The following IGSF21 variants were observed in gnomAD, a reference collection of about 807,000 sequenced individuals.
IGSF21 encodes the protein immunoglobin superfamily member 21.
In IGSF21, 28 loss-of-function variants were observed where a neutral mutation model predicts 46.8. That is an observed-to-expected ratio of 0.60 (90% CI 0.44 to 0.82). IGSF21 has a LOEUF of 0.82. Among genes scored for constraint, IGSF21 ranks in the 40% least tolerant of loss-of-function variants. IGSF21 has a pLI of 0.00. For synonymous variants in IGSF21, 284 were observed against 273.6 expected, an observed-to-expected ratio of 1.04 and a Z score of -0.38; for missense variants, 624 against 665.5, an observed-to-expected ratio of 0.94 and a Z score of 0.69.
At chr1:18,304,926 T>G (rs1180632823) in intron 3 of IGSF21, among the ~76,000 whole-genome samples, 2 of 152,230 alleles carry the variant, frequency 1.3e-5, no homozygotes, top group African/African-American at 4.8e-5. Context: ...TTTCTTCACA[T>G]TAGAATTTGC....
chr1:18,226,630 A>G (rs544568364), intron 1 of IGSF21, among the ~76,000 whole-genome samples: 2 of 152,310 alleles, frequency 1.3e-5, no homozygotes, highest in East Asian at 3.9e-4. Flanking sequence ...TCCAACTTCC[A>G]AATTGATCCT....
Position 18,109,782 on chromosome 1 carries a change from C to G in IGSF21, c.70+1584C>G, listed in dbSNP as rs911986090. 6.6e-6 allele frequency: 1 copy of G among 152,176 alleles called. No homozygotes were observed. The highest frequency in any genetic ancestry group is 1.5e-5 in the Non-Finnish European group (1 of 68,138). The allele number at this position is 152,176 out of a possible 1,614,324, so 9.4% of individuals were successfully genotyped here. ...GGAAAGGTTACATGGGGGAGGTCCTCGTTCCAGCGCCGCCGAGAGGGCACT... is the reference window on the plus strand; with the variant it reads ...GGAAAGGTTACATGGGGGAGGTCCTGGTTCCAGCGCCGCCGAGAGGGCACT... On this transcript the variant is annotated intron_variant, in intron 1 of 9. Transcript: ENST00000251296. This position sits in a 1 kb window ranked among gnomAD's most constrained non-coding sequence, Gnocchi z 4.8.
chr1:18,375,330 G>C (rs2086269722), intron 6 of IGSF21, among the ~76,000 whole-genome samples: 1 of 152,046 alleles, frequency 6.6e-6, no homozygotes, highest in Admixed American at 6.6e-5. Flanking sequence ...AATGAATCTG[G>C]GGGAAAGAGT....
intron 1 of IGSF21, among the ~76,000 whole-genome samples, chr1:18,209,610 A>C (rs1191246510): frequency 2.8e-5 from 4 of 141,626 alleles, no homozygotes; most frequent in African/African-American, 7.9e-5. Context: ...GCCCGCCACC[A>C]CACCTGGCTA....
intron 1 of IGSF21, among the ~76,000 whole-genome samples, chr1:18,157,607 G>A (rs2086579764): frequency 1.3e-5 from 2 of 152,206 alleles, no homozygotes; most frequent in Non-Finnish European, 2.9e-5. Context: ...AGCCCGGTCT[G>A]GTACACACGT....
chr1:18,313,532 A>G (rs1160617956), intron 3 of IGSF21, among the ~76,000 whole-genome samples: 1 of 152,194 alleles, frequency 6.6e-6, no homozygotes, highest in Non-Finnish European at 1.5e-5. Flanking sequence ...TAAAGCTCTT[A>G]GAACTGGCAC....
At chr1:18,189,199 G>T (rs1026388750) in intron 1 of IGSF21, among the ~76,000 whole-genome samples, 1 of 152,248 alleles carries the variant, frequency 6.6e-6, no homozygotes, top group African/African-American at 2.4e-5. Flanking sequence ...CGACTTTGGG[G>T]CAAACATCCC....
chr1:18,164,605 T>C (rs1372016916), intron 1 of IGSF21, among the ~76,000 whole-genome samples: 3 of 152,162 alleles, frequency 2.0e-5, no homozygotes, highest in Non-Finnish European at 4.4e-5. Flanking sequence ...ATCAGTGCAA[T>C]TTTAACTGAT....
intron 1 of IGSF21, among the ~76,000 whole-genome samples, chr1:18,213,700 T>G (rs1206691948): frequency 6.6e-6 from 1 of 152,116 alleles, no homozygotes; most frequent in African/African-American, 2.4e-5. Flanking sequence ...GCAAGGACCA[T>G]GTACAAGACA....
rs1403636948 is a variant in IGSF21, at chr1:18,140,765, T to C, written c.70+32567T>C. On this transcript the variant is annotated intron_variant, in intron 1 of 9. Transcript: ENST00000251296. Reference sequence around the variant, plus strand: ...CTTGGCTTGGCAGGGGGGATCCCTCTTCAGCATCCACATAGGCTCCTTCCA... The same window carrying C: ...CTTGGCTTGGCAGGGGGGATCCCTCCTCAGCATCCACATAGGCTCCTTCCA... 3.3e-5 allele frequency among the ~76,000 whole-genome samples: 5 copies of C among 152,226 alleles called. No homozygotes were observed. In the East Asian group the frequency reaches 9.6e-4, roughly 29 times the overall value.
intron 3 of IGSF21, among the ~76,000 whole-genome samples, chr1:18,331,556 T>G (rs573718386): frequency 6.6e-6 from 1 of 152,378 alleles, no homozygotes; most frequent in African/African-American, 2.4e-5. Flanking sequence ...TTGCAAATTG[T>G]GCTGCTATAA....
chr1:18,171,188 C>T (rs559410466), intron 1 of IGSF21, among the ~76,000 whole-genome samples: 1 of 152,066 alleles, frequency 6.6e-6, no homozygotes, highest in South Asian at 2.1e-4. Context: ...TCCAGAGCCA[C>T]CCTAGGCTCA....
At chr1:18,258,185 T>A (rs1168401256) in intron 2 of IGSF21, among the ~76,000 whole-genome samples, 1 of 152,136 alleles carries the variant, frequency 6.6e-6, no homozygotes, top group Non-Finnish European at 1.5e-5. Context: ...ACAGAAGGGA[T>A]GGGAGAGGGA....
At chr1:18,282,981 G>A (rs140666013) in intron 2 of IGSF21, among the ~76,000 whole-genome samples, 2 of 152,276 alleles carry the variant, frequency 1.3e-5, no homozygotes, top group East Asian at 1.9e-4. Flanking sequence ...CCCATACTCC[G>A]TTGAACACAG....
chr1:18,137,335 C>T (rs1342641013), intron 1 of IGSF21, among the ~76,000 whole-genome samples: 3 of 152,178 alleles, frequency 2.0e-5, no homozygotes, highest in Non-Finnish European at 4.4e-5. Context: ...CCACCAGACC[C>T]CACCTCCAAC....
At chr1:18,181,390 G>C (rs1260627453) in intron 1 of IGSF21, among the ~76,000 whole-genome samples, 6 of 152,210 alleles carry the variant, frequency 3.9e-5, no homozygotes, top group Admixed American at 3.9e-4. Context: ...CCCAAACGCT[G>C]TTTTGGCCCA....
chr1:18,217,602 A>T (rs2084462485), intron 1 of IGSF21, among the ~76,000 whole-genome samples: 1 of 152,174 alleles, frequency 6.6e-6, no homozygotes, highest in Non-Finnish European at 1.5e-5. Flanking sequence ...CACCTTGTGG[A>T]TGCATTGTGT....
intron 2 of IGSF21, among the ~76,000 whole-genome samples, chr1:18,280,008 C>A (rs1337274349): frequency 1.3e-5 from 2 of 152,210 alleles, no homozygotes; most frequent in African/African-American, 4.8e-5. Flanking sequence ...ATTGGTCAGC[C>A]AGACTGGTAC....
chr1:18,314,795 C>T (rs970328166), intron 3 of IGSF21, among the ~76,000 whole-genome samples: 10 of 152,200 alleles, frequency 6.6e-5, no homozygotes, highest in South Asian at 2.1e-4. Flanking sequence ...ATTTCTTGAG[C>T]GGTGGGAGGG....
Sources: gnomAD v4.1 joint callset for allele counts (sites outside exome capture counted in the v4.1 genomes callset) on GRCh38, gnomAD v4.1.1 for gene constraint, Gnocchi (gnomAD v3.1) non-coding constraint, MANE v1.5 for transcripts, NCBI Gene and HGNC (gene_info 2026-07-23, HGNC 2026-07-21) for gene names.